The following SLC9A2 variants were observed in gnomAD, a reference collection of about 807,000 sequenced individuals.
SLC9A2 encodes sodium/hydrogen exchanger 2.
A neutral mutation model predicts 71.7 loss-of-function variants in SLC9A2; 42 were observed. The observed-to-expected ratio is 0.59, with a 90% CI of 0.46 to 0.76. The LOEUF is 0.76. Among genes scored for constraint, SLC9A2 ranks in the 30% least tolerant of loss-of-function variants. SLC9A2 has a pLI of 0.00. For missense variants in SLC9A2, 829 were observed against 1,017.4 expected, an observed-to-expected ratio of 0.81 and a Z score of 2.52; for synonymous variants, 396 against 392.5, an observed-to-expected ratio of 1.01 and a Z score of -0.10.
chr2:102,696,124 C>T (rs1205419397), intron 7 of SLC9A2, among the ~76,000 whole-genome samples: 4 of 152,050 alleles, frequency 2.6e-5, no homozygotes, highest in South Asian at 2.1e-4. Flanking sequence ...GAGCTCATCA[C>T]GTACCTCTCT....
chr2:102,690,164 A>G (rs751693102), intron 5 of SLC9A2, among the ~76,000 whole-genome samples: 3 of 152,160 alleles, frequency 2.0e-5, no homozygotes, highest in Non-Finnish European at 4.4e-5. Context: ...TCAGCCCAGG[A>G]GGCCGGAAAG....
chr2:102,696,982 G>A (rs1285754850), intron 7 of SLC9A2, among the ~76,000 whole-genome samples: 4 of 152,208 alleles, frequency 2.6e-5, no homozygotes, highest in Non-Finnish European at 4.4e-5. Context: ...TGCTAAGCCA[G>A]TAGAACAGAA....
At chr2:102,640,930 G>A (rs1484826272) in intron 1 of SLC9A2, among the ~76,000 whole-genome samples, 1 of 152,186 alleles carries the variant, frequency 6.6e-6, no homozygotes, top group Non-Finnish European at 1.5e-5. Context: ...AAGCTCTTAT[G>A]TCTCTAGAAC....
At chr2:102,695,801 T>TATATATATATAATATATATTATATATATA (rs1677753814) in intron 7 of SLC9A2, among the ~76,000 whole-genome samples, 23 of 62,158 alleles carry the variant, frequency 3.7e-4, no homozygotes, top group Non-Finnish European at 6.2e-4. Context: ...ATATATATAT[T>TATATATATATAATATATATTATATATATA]ATATATATAT....
At chr2:102,694,925 T>C (rs972415115) in intron 6 of SLC9A2, 118 bp from the exon 7 acceptor site, 1 of 799,718 alleles carries the variant, frequency 1.3e-6, no homozygotes, top group Non-Finnish European at 2.1e-6. Context: ...TAATAAATAA[T>C]AAACAAATAA....
chr2:102,640,385 C>T (rs1676552265), intron 1 of SLC9A2, among the ~76,000 whole-genome samples: 1 of 152,196 alleles, frequency 6.6e-6, no homozygotes, highest in Admixed American at 6.5e-5. Context: ...AGGGCTCGGT[C>T]CCACAAAACT....
At chr2:102,665,425 A>C (rs1573415630) in intron 3 of SLC9A2, 75 bp downstream of exon 3, 1 of 1,390,918 alleles carries the variant, frequency 7.2e-7, no homozygotes, top group East Asian at 2.3e-5. Flanking sequence ...AAGATATTAA[A>C]GTTGAATAAG....
chr2:102,619,872 G>C lies in SLC9A2; in HGVS notation c.24G>C (p.Arg8Ser), dbSNP rs762274165. 6.5e-7 allele frequency: 1 copy of C among 1,548,886 alleles called. No individual in the cohort carries two copies. The highest frequency in any genetic ancestry group is 8.7e-7 in the Non-Finnish European group (1 of 1,145,976). The change falls in exon 1 of 12, where the codon AGG becomes AGC. Residue 8 changes from arginine (R) to serine (S), a missense_variant. Arg to Ser is a moderately radical substitution (Grantham distance 110). Coordinates refer to ENST00000233969, the MANE Select transcript of SLC9A2 (RefSeq NM_003048.6). The surrounding 1 kb of genome is among the most constrained non-coding windows in gnomAD (Gnocchi z 4.3). MEPLGNW[R>S]SLRAPLPPML... ...CCATGGAACCACTGGGCAACTGGAG[G>C]AGCCTGCGGGCGCCACTGCCTCCGA... is the stretch of plus-strand genomic sequence containing the variant.
Position 102,665,086 on chromosome 2 carries a change from T to C in SLC9A2, c.754-14T>C, listed in dbSNP as rs1350385126. 2 of 1,602,104 alleles carry C rather than the reference T, an allele frequency of 1.2e-6. No individual in the cohort carries two copies. The highest frequency in any genetic ancestry group is 3.5e-5 in the Admixed American group (2 of 57,564). On this transcript the variant is annotated splice_polypyrimidine_tract_variant and intron_variant, in intron 2 of 11. Transcript: ENST00000233969. Reference sequence around the variant, plus strand: ...GGAAAGGGTCTTGACAAGGTGTTTTTTTTTTTCCTGCAGGTCCTGTACAAC... The same window carrying C: ...GGAAAGGGTCTTGACAAGGTGTTTTCTTTTTTCCTGCAGGTCCTGTACAAC...
At chr2:102,665,031 G>T in intron 2 of SLC9A2, 69 bp from the exon 3 acceptor site, 1 of 1,522,164 alleles carries the variant, frequency 6.6e-7, no homozygotes, top group Non-Finnish European at 8.9e-7. Flanking sequence ...AGGTAGATGT[G>T]TTTGTGCCCA....
At chr2:102,705,573 A>G (rs1306192908) in intron 10 of SLC9A2, among the ~76,000 whole-genome samples, 1 of 152,018 alleles carries the variant, frequency 6.6e-6, no homozygotes, top group Admixed American at 6.6e-5. Context: ...ATGTTTCAGT[A>G]GCTTTTCTTT....
rs540069371 is a variant in SLC9A2 at position 102,631,294 on chromosome 2, C to CT, written c.289+11167dup. On this transcript the variant is annotated intron_variant, in intron 1 of 11. Coordinates refer to ENST00000233969, the MANE Select transcript of SLC9A2 (RefSeq NM_003048.6). ...TTTTTCTTGGCTAAAAGCATCTTTT[C>CT]TTTTTTTTTTGTGCTAGTATTTATT... Among the ~76,000 whole-genome samples the CT allele has an allele frequency of 9.6e-3, 1,405 of 147,046 alleles. 14 individuals carry two copies. Among genetic ancestry groups the CT allele is most frequent in the African/African-American group, 0.023 (920 of 39,918 alleles).
intron 1 of SLC9A2, among the ~76,000 whole-genome samples, chr2:102,644,708 G>A (rs1465058364): frequency 6.6e-6 from 1 of 152,128 alleles, no homozygotes; most frequent in Non-Finnish European, 1.5e-5. Flanking sequence ...CAGAACTCAT[G>A]GCAGTGTGGC....
chr2:102,695,808 A>T (rs1168124629), intron 7 of SLC9A2, among the ~76,000 whole-genome samples: 2 of 98,382 alleles, frequency 2.0e-5, no homozygotes, highest in Admixed American at 1.2e-4. Context: ...TATTATATAT[A>T]TATATAATAT....
intron 3 of SLC9A2, among the ~76,000 whole-genome samples, chr2:102,670,630 A>C: frequency 1.4e-5 from 2 of 146,372 alleles, no homozygotes; most frequent in African/African-American, 5.1e-5. Context: ...AAACAACCCC[A>C]GCACATCCCG....
chr2:102,625,398 G>A (rs1676226735), intron 1 of SLC9A2, among the ~76,000 whole-genome samples: 1 of 151,996 alleles, frequency 6.6e-6, no homozygotes, highest in African/African-American at 2.4e-5. Flanking sequence ...GTATACATGT[G>A]CCATGTTGGT....
At position 102,634,767 on chromosome 2, in the gene SLC9A2, C is replaced by T. The variant is rs948467886; in HGVS notation, c.289+14630C>T. Among the ~76,000 whole-genome samples, 14 of 151,834 alleles carry T rather than the reference C, an allele frequency of 9.2e-5. No homozygotes were observed. In the East Asian group the frequency reaches 2.7e-3, roughly 29 times the overall value. ...AATGAAAAAGAAAGGCAATGCACAT[C>T]TTTTTTTTTATTCCAGGTTCTTGTC... On this transcript the variant is annotated intron_variant, in intron 1 of 11. Transcript: ENST00000233969.
chr2:102,678,915 T>C (rs1349452335), intron 3 of SLC9A2, among the ~76,000 whole-genome samples: 1 of 152,204 alleles, frequency 6.6e-6, no homozygotes. Context: ...GAAGGGAGAC[T>C]AGCTCATTTG....
Position 102,708,817 on chromosome 2 carries a change from T to G in SLC9A2, c.*328T>G. 3.8e-6 allele frequency: 1 copy of G among 262,940 alleles called. No homozygotes were observed. Among genetic ancestry groups the G allele is most frequent in the South Asian group, 7.2e-5 (1 of 13,856 alleles). 16.3% of individuals were successfully genotyped at this position (262,940 alleles called of 1,614,324 possible). A position where few individuals can be genotyped will look rare whatever the true frequency, so the allele number is the denominator to read the frequency against. On this transcript the variant is annotated 3_prime_UTR_variant, in exon 12 of 12. Transcript: ENST00000233969. The stretch of plus-strand genomic sequence containing the variant: ...TAACACATCCTTCTTGGTGAAGATT[T>G]TAATATATTACTTATATGCTTCAAA...
Sources: allele counts gnomAD v4.1 joint callset (sites outside exome capture counted in the v4.1 genomes callset), GRCh38; gene constraint gnomAD v4.1.1; non-coding constraint Gnocchi (gnomAD v3.1); transcripts MANE v1.5; gene names NCBI Gene and HGNC (gene_info 2026-07-23, HGNC 2026-07-21).